Variants in PAN3 observed in about 807,000 individuals in gnomAD.
The protein encoded by PAN3 is poly(A) specific ribonuclease subunit PAN3, also known as PAN2-PAN3 deadenylation complex subunit PAN3.
In PAN3, 19 loss-of-function variants were observed where a neutral mutation model predicts 96.2. That is an observed-to-expected ratio of 0.20 (90% CI 0.14 to 0.29). The LOEUF is 0.29. Ranked by LOEUF, PAN3 falls within the 10% of genes least tolerant of loss-of-function variation. PAN3 has a pLI of 1.00. For missense variants in PAN3, 882 were observed against 1,108.1 expected, an observed-to-expected ratio of 0.80 and a Z score of 2.90; for synonymous variants, 433 against 406.6, an observed-to-expected ratio of 1.06 and a Z score of -0.78.
chr13:28,183,688 G>T (rs1417998178), intron 4 of PAN3, among the ~76,000 whole-genome samples: 1 of 152,206 alleles, frequency 6.6e-6, no homozygotes, highest in Non-Finnish European at 1.5e-5. Context: ...TTGGATAGTG[G>T]TTAAGGCTTT....
intron 3 of PAN3, 127 bp downstream of exon 3, chr13:28,176,686 T>C: frequency 1.1e-6 from 1 of 903,958 alleles, no homozygotes; most frequent in South Asian, 1.6e-5. Context: ...AAAATTATTA[T>C]CTTCCCACTC....
At chr13:28,217,113 CA>C (rs59698303) in intron 5 of PAN3, among the ~76,000 whole-genome samples, 2,489 of 114,984 alleles carry the variant, frequency 0.022, 37 homozygotes, top group African/African-American at 0.049. Context: ...AACTCTGTCT[CA>C]AAAAAAAAAA....
intron 16 of PAN3, among the ~76,000 whole-genome samples, chr13:28,281,018 C>T (rs1249132383): frequency 6.6e-6 from 1 of 152,200 alleles, no homozygotes; most frequent in Non-Finnish European, 1.5e-5. Flanking sequence ...CTTATGTCCT[C>T]TGGACAACAC....
chr13:28,203,025 C>G (rs1878924984), intron 5 of PAN3, among the ~76,000 whole-genome samples: 1 of 148,308 alleles, frequency 6.7e-6, no homozygotes. Flanking sequence ...TGCAGTGGTG[C>G]AGTCTTGGCT....
At chr13:28,181,262 A>G (rs531717570) in intron 4 of PAN3, among the ~76,000 whole-genome samples, 4 of 152,116 alleles carry the variant, frequency 2.6e-5, no homozygotes, top group African/African-American at 7.2e-5. Flanking sequence ...TAATCCCAGC[A>G]CTTTGGGAGG....
chr13:28,281,662 A>G lies in PAN3; in HGVS notation c.2384+283A>G, dbSNP rs998063087. The stretch of plus-strand genomic sequence containing the variant: ...TTATGACTAATACTACCTCTACCCT[A>G]TCTTCTTTTTGAGGAAGAAGTTTCA... On this transcript the variant is annotated intron_variant, in intron 17 of 18. Coordinates refer to ENST00000380958, the MANE Select transcript of PAN3 (RefSeq NM_175854.8). Among the ~76,000 whole-genome samples, 8 of 151,722 alleles carry G rather than the reference A, an allele frequency of 5.3e-5. No individual in the cohort carries two copies. The East Asian group carries it at 5.8e-4, about 11-fold the overall frequency.
chr13:28,215,328 C>T (rs1286205654), intron 5 of PAN3: 3 of 743,572 alleles, frequency 4.0e-6, no homozygotes, highest in Non-Finnish European at 7.5e-6. Flanking sequence ...GACTGGTGTT[C>T]TCAAACCCGT....
chr13:28,164,482 G>C (rs1262053568), intron 1 of PAN3, among the ~76,000 whole-genome samples: 2 of 152,200 alleles, frequency 1.3e-5, no homozygotes, highest in Non-Finnish European at 2.9e-5. Context: ...TCTCTGTAAT[G>C]CCCTACTTGG....
intron 5 of PAN3, among the ~76,000 whole-genome samples, chr13:28,198,672 A>G (rs1369566021): frequency 1.3e-5 from 2 of 152,188 alleles, no homozygotes; most frequent in African/African-American, 2.4e-5. Context: ...TTATTAACCA[A>G]ATTTCAATTT....
At chr13:28,182,496 T>C (rs1259321748) in intron 4 of PAN3, among the ~76,000 whole-genome samples, 1 of 152,228 alleles carries the variant, frequency 6.6e-6, no homozygotes, top group Non-Finnish European at 1.5e-5. Flanking sequence ...ATTATATTTT[T>C]AATACGGAGA....
intron 4 of PAN3, among the ~76,000 whole-genome samples, chr13:28,184,945 T>C (rs1157467867): frequency 4.6e-5 from 7 of 152,174 alleles, no homozygotes; most frequent in African/African-American, 1.7e-4. Flanking sequence ...TAATTTATGC[T>C]GTCAGTTTTG....
chr13:28,239,201 G>GCA (rs561281678), intron 6 of PAN3, among the ~76,000 whole-genome samples: 6,856 of 101,052 alleles, frequency 0.068, 213 homozygotes, highest in Middle Eastern at 0.13. Flanking sequence ...ATGCACACAC[G>GCA]CACACACACA....
At chr13:28,240,390 A>G (rs1407804859) in intron 6 of PAN3, among the ~76,000 whole-genome samples, 2 of 152,232 alleles carry the variant, frequency 1.3e-5, no homozygotes, top group African/African-American at 4.8e-5. Flanking sequence ...GGGATGACAT[A>G]GAAAATCCCA....
At chr13:28,183,988 G>A (rs1400263122) in intron 4 of PAN3, among the ~76,000 whole-genome samples, 1 of 152,080 alleles carries the variant, frequency 6.6e-6, no homozygotes, top group African/African-American at 2.4e-5. Context: ...TCTGTATCAG[G>A]CTGTACTAAA....
intron 4 of PAN3, among the ~76,000 whole-genome samples, chr13:28,192,719 G>T (rs750647039): frequency 3.9e-5 from 6 of 152,158 alleles, no homozygotes; most frequent in Non-Finnish European, 7.3e-5. Context: ...TGTGTGTTGT[G>T]TTCCAAATAC....
At chr13:28,142,027 AT>A in intron 1 of PAN3, among the ~76,000 whole-genome samples, 1 of 152,184 alleles carries the variant, frequency 6.6e-6, no homozygotes, top group East Asian at 1.9e-4. Flanking sequence ...TGATTTATGT[AT>A]TTAGATTCTG....
intron 1 of PAN3, among the ~76,000 whole-genome samples, chr13:28,141,003 C>CTTTT (rs979248659): frequency 6.2e-5 from 7 of 112,906 alleles, no homozygotes; most frequent in Middle Eastern, 4.5e-3. Flanking sequence ...GAAAGAGACA[C>CTTTT]TTTTTTTTTT....
intron 4 of PAN3, among the ~76,000 whole-genome samples, chr13:28,193,555 A>G (rs1483008165): frequency 6.6e-6 from 1 of 151,814 alleles, no homozygotes; most frequent in Non-Finnish European, 1.5e-5. Flanking sequence ...CAGCTTGGGC[A>G]ACATGGAGAG....
At chr13:28,240,376 C>G (rs2138497346) in intron 6 of PAN3, among the ~76,000 whole-genome samples, 1 of 152,210 alleles carries the variant, frequency 6.6e-6, no homozygotes. Context: ...ATAAAACATG[C>G]TGTGGGATGA....
Sources: allele counts gnomAD v4.1 joint callset (sites outside exome capture counted in the v4.1 genomes callset), GRCh38; gene constraint gnomAD v4.1.1; transcripts MANE v1.5; gene names NCBI Gene and HGNC (gene_info 2026-07-23, HGNC 2026-07-21).